The following APBA2 variants were observed in gnomAD, a reference collection of about 807,000 sequenced individuals.
APBA2 encodes amyloid beta precursor protein binding family A member 2, also known as amyloid-beta A4 precursor protein-binding family A member 2.
A neutral mutation model predicts 75.0 loss-of-function variants in APBA2; 30 were observed. The ratio of observed to expected loss-of-function variants is 0.40; its 90% CI spans 0.30 to 0.54. The LOEUF is 0.54. APBA2 is among the 20% of genes least tolerant of loss of function. The pLI is 0.49. For missense variants in APBA2, 801 were observed against 1,016.1 expected (o/e 0.79, Z 2.88); for synonymous variants, 444 against 409.6 (o/e 1.08, Z -1.01).
chr15:28,936,494 C>T (rs920353986), intron 2 of APBA2, among the ~76,000 whole-genome samples: 8 of 151,918 alleles, frequency 5.3e-5, no homozygotes, highest in African/African-American at 7.2e-5. Flanking sequence ...TTCTGTGTTT[C>T]GGAGGCCAGC....
At chr15:28,901,955 G>C in intron 1 of APBA2, among the ~76,000 whole-genome samples, 1 of 20,578 alleles carries the variant, frequency 4.9e-5, no homozygotes, top group Non-Finnish European at 1.4e-4. Flanking sequence ...TTGGGGGTCT[G>C]GGGTGGGGGA....
chr15:29,067,515 A>G (rs140209903), intron 4 of APBA2, among the ~76,000 whole-genome samples: 2,612 of 152,156 alleles, frequency 0.017, 74 homozygotes, highest in African/African-American at 0.061. Context: ...CTTCTCTCCT[A>G]GGTCTTGTAT....
At chr15:28,986,914 A>T (rs546267902) in intron 2 of APBA2, among the ~76,000 whole-genome samples, 1 of 152,348 alleles carries the variant, frequency 6.6e-6, no homozygotes, top group African/African-American at 2.4e-5. Context: ...GTCTAAGATC[A>T]AGGCGCCAAC....
chr15:29,091,588 T>C (rs1213277918), intron 6 of APBA2, among the ~76,000 whole-genome samples: 2 of 152,188 alleles, frequency 1.3e-5, no homozygotes, highest in Non-Finnish European at 2.9e-5. Context: ...ATGGCACTCA[T>C]TTGCCCTCTT....
At chr15:29,075,976 C>T in intron 5 of APBA2, 79 bp from the exon 6 acceptor site, 1 of 1,323,440 alleles carries the variant, frequency 7.6e-7, no homozygotes, top group South Asian at 1.2e-5. Context: ...GCTCATATCA[C>T]AGCCCTGCTT....
At chr15:29,051,650 C>T (rs920514192) in intron 3 of APBA2, among the ~76,000 whole-genome samples, 3 of 152,168 alleles carry the variant, frequency 2.0e-5, no homozygotes, top group Non-Finnish European at 4.4e-5. Flanking sequence ...CCATCTGGTA[C>T]ACTCAGTCTC....
In APBA2 at chr15:28,893,612, T is replaced by C. The variant is rs145478195; in HGVS notation, c.-205+7334T>C. ...AAGTGCCTTTCTTTTGTGCATGTAT[T>C]GTGAAGATTCTGCCTGTGAACTTTC... On this transcript the variant is annotated intron_variant, in intron 1 of 14. Transcript: ENST00000683413. 2.6e-3 allele frequency among the ~76,000 whole-genome samples: 403 copies of C among 152,302 alleles called. 1 individual carries two copies. Among genetic ancestry groups the C allele is most frequent in the African/African-American group, 9.2e-3 (383 of 41,572 alleles).
At chr15:28,943,205 A>C (rs866807921) in intron 2 of APBA2, among the ~76,000 whole-genome samples, 2 of 152,152 alleles carry the variant, frequency 1.3e-5, no homozygotes, top group Admixed American at 6.5e-5. Flanking sequence ...CAGCGTGAAC[A>C]TACTAAAGGC....
At chr15:29,103,179 C>T (rs1021156772) in intron 10 of APBA2, among the ~76,000 whole-genome samples, 1 of 152,214 alleles carries the variant, frequency 6.6e-6, no homozygotes, top group African/African-American at 2.4e-5. Flanking sequence ...CGAAGGGTGG[C>T]AGTCAGCTGG....
At chr15:29,048,273 A>C (rs1422115019) in intron 3 of APBA2, among the ~76,000 whole-genome samples, 1 of 152,160 alleles carries the variant, frequency 6.6e-6, no homozygotes, top group Non-Finnish European at 1.5e-5. Flanking sequence ...ACTTTAACCC[A>C]GGAGGCAGAG....
Position 29,117,255 on chromosome 15 carries a change from C to CAA in APBA2, c.*124_*125dup, listed in dbSNP as rs895376498. 1.1e-6 allele frequency: 1 copy of CAA among 903,246 alleles called. No individual in the cohort carries two copies. Among genetic ancestry groups the CAA allele is most frequent in the African/African-American group, 1.7e-5 (1 of 60,602 alleles). The allele number at this position is 903,246 out of a possible 1,614,324, so 56.0% of individuals were successfully genotyped here. Reference sequence around the variant, plus strand: ...AGCCCAGCCACGGACGCTGGCTCCCCAAAGGGTGTGCCCTCACCACCCACT... The same window carrying CAA: ...AGCCCAGCCACGGACGCTGGCTCCCCAAAAAGGGTGTGCCCTCACCACCCACT... On this transcript the variant is annotated 3_prime_UTR_variant, in exon 15 of 15. Transcript: ENST00000683413.
intron 10 of APBA2, among the ~76,000 whole-genome samples, chr15:29,103,198 T>C (rs1000786174): frequency 4.6e-5 from 7 of 152,160 alleles, no homozygotes; most frequent in African/African-American, 1.4e-4. Flanking sequence ...GGTGAGAGTT[T>C]CCAAGGGGCA....
At chr15:28,962,517 A>G (rs1054129870) in intron 2 of APBA2, among the ~76,000 whole-genome samples, 5 of 152,008 alleles carry the variant, frequency 3.3e-5, no homozygotes, top group African/African-American at 7.3e-5. Context: ...TACAGTGAGC[A>G]GAGATCGCGC....
chr15:28,978,714 G>A (rs894771621), intron 2 of APBA2, among the ~76,000 whole-genome samples: 4 of 152,158 alleles, frequency 2.6e-5, no homozygotes, highest in African/African-American at 9.7e-5. Context: ...ACAGTAATCC[G>A]GCAGGTGCCT....
intron 2 of APBA2, among the ~76,000 whole-genome samples, chr15:28,973,159 T>C (rs1200255120): frequency 6.6e-6 from 1 of 152,164 alleles, no homozygotes; most frequent in African/African-American, 2.4e-5. Context: ...ATTCCTCTGT[T>C]TGGATAGCAG....
chr15:29,115,956 G>C (rs1174608567), intron 14 of APBA2, among the ~76,000 whole-genome samples: 1 of 148,034 alleles, frequency 6.8e-6, no homozygotes, highest in Non-Finnish European at 1.5e-5. Flanking sequence ...AGCTGACCCT[G>C]GCAGTGCGAG....
chr15:29,071,319 C>A (rs946182800), intron 4 of APBA2, among the ~76,000 whole-genome samples: 15 of 152,016 alleles, frequency 9.9e-5, no homozygotes. Flanking sequence ...GCCCCTGAGT[C>A]CCGTGTGCTG....
At chr15:29,052,630 G>GA (rs2041659787) in intron 3 of APBA2, among the ~76,000 whole-genome samples, 1 of 151,986 alleles carries the variant, frequency 6.6e-6, no homozygotes, top group Non-Finnish European at 1.5e-5. Context: ...AGGGCTAAAA[G>GA]AAAAAATGTT....
At chr15:28,930,304 C>T (rs1297046957) in intron 2 of APBA2, among the ~76,000 whole-genome samples, 2 of 151,842 alleles carry the variant, frequency 1.3e-5, no homozygotes, top group African/African-American at 4.8e-5. Flanking sequence ...GAGCTCTCCA[C>T]GATGGGAGCA....
Sources: gnomAD v4.1 joint callset for allele counts (sites outside exome capture counted in the v4.1 genomes callset) on GRCh38, gnomAD v4.1.1 for gene constraint, MANE v1.5 for transcripts, NCBI Gene and HGNC (gene_info 2026-07-23, HGNC 2026-07-21) for gene names.